The following PRRT4 variants were observed in gnomAD, a reference collection of about 807,000 sequenced individuals.
PRRT4 encodes the protein proline rich transmembrane protein 4.
Under a neutral mutation model 55.6 loss-of-function variants are expected in PRRT4, and 59 were observed. The ratio of observed to expected loss-of-function variants is 1.06; its 90% CI spans 0.86 to 1.32. The LOEUF (loss-of-function observed/expected upper bound fraction) is 1.32. PRRT4 is among the 40% of genes most tolerant of loss of function. PRRT4 has a pLI of 0.00. For synonymous variants in PRRT4, 606 were observed against 601.8 expected (o/e 1.01, Z -0.10); for missense variants, 1,217 against 1,222.0 (o/e 1.00, Z 0.06).
exon 5 of PRRT4, chr7:128,352,334 A>G (rs1562966518): frequency 6.5e-7 from 1 of 1,541,230 alleles, no homozygotes; most frequent in Non-Finnish European, 8.7e-7. Context: ...GTCCCGGCCG[A>G]CAGCAGCAGC....
chr7:128,354,050 A>G (rs1472140609), intron 4 of PRRT4, among the ~76,000 whole-genome samples: 1 of 152,228 alleles, frequency 6.6e-6, no homozygotes, highest in Admixed American at 6.5e-5. Context: ...CCGCAGCCAC[A>G]GGCAAGGGTA....
At chr7:128,360,766 A>G (rs1361051510) in intron 1 of PRRT4, among the ~76,000 whole-genome samples, 1 of 151,894 alleles carries the variant, frequency 6.6e-6, no homozygotes, top group Non-Finnish European at 1.5e-5. Flanking sequence ...TTCCTGGAGG[A>G]GAACGCCAGG....
exon 5 of PRRT4, chr7:128,351,862 C>A: frequency 2.2e-6 from 3 of 1,340,830 alleles, no homozygotes; most frequent in Non-Finnish European, 2.8e-6. Flanking sequence ...CCCGAAGGTG[C>A]CCGCCACCGG....
chr7:128,351,062 A>G lies in PRRT4; in HGVS notation c.2494T>C (p.Cys832Arg), dbSNP rs574369468. 725 of 1,549,252 alleles carry G rather than the reference A, an allele frequency of 4.7e-4. 10 individuals are homozygous for G. The South Asian group carries it at 8.1e-3, about 17-fold the overall frequency. Residue 832 changes from cysteine (C) to arginine (R), a missense_variant, in exon 5 of 5, where the codon TGC (cysteine) becomes CGC (arginine). By Grantham distance (180) the Cys-to-Arg change is radical (BLOSUM62 -3). Transcript: ENST00000535159. ...GAGGGCCGCGGGGGACTGAGGACGC[A>G]GACCAGAGGGCAGCGCGGGGGCCTG...
In PRRT4 at chr7:128,357,685, T is replaced by G. The variant is rs147936669; in HGVS notation, c.877+996A>C. Among the ~76,000 whole-genome samples the G allele has an allele frequency of 4.7e-4, 71 of 152,282 alleles. 1 individual carries two copies. In the East Asian group the frequency reaches 0.014, roughly 29 times the overall value. On this transcript the variant is annotated intron_variant, in intron 4 of 4. Coordinates refer to ENST00000535159, the Ensembl canonical transcript of PRRT4. ...AGCTGGAAGAAGCTGGGGAGACCAGTGGTTTCCACTGCTGAGCCTAGTGAG... is the reference window on the plus strand; with the variant it reads ...AGCTGGAAGAAGCTGGGGAGACCAGGGGTTTCCACTGCTGAGCCTAGTGAG...
At chr7:128,361,097 TCTCTCTCACACA>T (rs1420153322) in intron 1 of PRRT4, among the ~76,000 whole-genome samples, 197 bp downstream of exon 2, 91 of 136,388 alleles carry the variant, frequency 6.7e-4, no homozygotes, top group African/African-American at 2.4e-3. Flanking sequence ...TCTCTCTCTC[TCTCTCTCACACA>T]CACACACACA....
At chr7:128,357,671 G>C (rs559236038) in intron 4 of PRRT4, among the ~76,000 whole-genome samples, 1 of 152,352 alleles carries the variant, frequency 6.6e-6, no homozygotes, top group South Asian at 2.1e-4. Context: ...GCTGGAAGAA[G>C]CTGGGGAGAC....
rs756524902 is a variant in PRRT4, at chr7:128,359,810, C to G, written c.182G>C (p.Arg61Pro). 8.5e-6 allele frequency: 13 copies of G among 1,520,570 alleles called. No individual in the cohort carries two copies. The Admixed American group carries it at 1.7e-4, about 20-fold the overall frequency. 94.2% of individuals were successfully genotyped at this position (1,520,570 alleles called of 1,614,324 possible). A position where few individuals can be genotyped will look rare whatever the true frequency, so the allele number is the denominator to read the frequency against. Residue 61 changes from arginine to proline, a missense_variant, in exon 2 of 5, where the codon CGG (arginine) becomes CCG (proline). By Grantham distance (103) the Arg-to-Pro change is moderately radical (BLOSUM62 -2). This residue lies in a region of PRRT4 where 564 missense variants were observed against 592.9 expected (regional missense o/e 0.95). Transcript: ENST00000535159. ...GCTCCCCCAGACAGCAGCAGGTCCC[C>G]GAAGATGGAATTTGAAGTTAAGTCC...
At chr7:128,351,507 T>C in exon 5 of PRRT4, 1 of 1,499,956 alleles carries the variant, frequency 6.7e-7, no homozygotes, top group Non-Finnish European at 8.9e-7. Context: ...GGTCTGGGCC[T>C]GGCCCTGCCA....
chr7:128,357,226 ACACACACACACT>A (rs1424397459), intron 4 of PRRT4, among the ~76,000 whole-genome samples: 4 of 121,448 alleles, frequency 3.3e-5, no homozygotes, highest in Non-Finnish European at 5.3e-5. Context: ...ACACACACAC[ACACACACACACT>A]CTCTCTCTCT....
intron 4 of PRRT4, among the ~76,000 whole-genome samples, chr7:128,353,282 T>C (rs1236563710): frequency 6.6e-6 from 1 of 152,094 alleles, no homozygotes; most frequent in Admixed American, 6.5e-5. Flanking sequence ...TCTGAGCCCC[T>C]TTCTGTGATT....
rs1467898627 is a variant in PRRT4 at position 128,351,871 on chromosome 7, G to A, written c.1685C>T (p.Pro562Leu). 7 of 1,333,092 alleles carry A rather than the reference G, an allele frequency of 5.3e-6. No homozygotes were observed. In the South Asian group the frequency reaches 1.2e-4, roughly 23 times the overall value. The allele number at this position is 1,333,092 out of a possible 1,614,324, so 82.6% of individuals were successfully genotyped here. A position where few individuals can be genotyped will look rare whatever the true frequency, so the allele number is the denominator to read the frequency against. ...CAGCAGCCCGAAGGTGCCCGCCACC[G>A]GGGCCGTGCGCGCCGCGCGCCGCCA... Residue 562 changes from proline (P) to leucine (L), a missense_variant, in exon 5 of 5, where the codon CCG (proline) becomes CTG (leucine). By Grantham distance (98) the Pro-to-Leu change is moderately conservative (BLOSUM62 -3). This residue lies in a region of PRRT4 where 642 missense variants were observed against 600.9 expected (regional missense o/e 1.07). Transcript: ENST00000535159.
Position 128,358,696 on chromosome 7 carries a change from C to T in PRRT4, c.862G>A (p.Ala288Thr), listed in dbSNP as rs372010473. 4 of 1,551,672 alleles carry T rather than the reference C, an allele frequency of 2.6e-6. No individual in the cohort carries two copies. Among genetic ancestry groups the T allele is most frequent in the Non-Finnish European group, 3.5e-6 (4 of 1,146,978 alleles). ...GGATACTTACCTAATGATGTTGTTG[C>T]AATCGAGGCAAAACTTAGGGAAGCA... The change falls in exon 4 of 5, where the codon GCA becomes ACA. Residue 288 changes from alanine to threonine, a missense_variant. Transcript: ENST00000535159. This position sits in a 1 kb window ranked among gnomAD's most constrained non-coding sequence, Gnocchi z 4.4.
At chr7:128,361,085 T>G (rs1279370968) in intron 1 of PRRT4, among the ~76,000 whole-genome samples, 2 of 126,690 alleles carry the variant, frequency 1.6e-5, no homozygotes, top group Non-Finnish European at 3.3e-5. Context: ...TGTCTCTCTC[T>G]CTCTCTCTCT....
Position 128,360,921 on chromosome 7 carries a change from T to C in PRRT4, c.-73+640A>G, listed in dbSNP as rs149240966. ...ACCCGGCACCCTTACATCACACACATAGCCACATCTAGCGCCCGTGACACA... is the reference window on the plus strand; with the variant it reads ...ACCCGGCACCCTTACATCACACACACAGCCACATCTAGCGCCCGTGACACA... On this transcript the variant is annotated intron_variant, in intron 1 of 4. Coordinates refer to ENST00000535159, the Ensembl canonical transcript of PRRT4. 1.3e-3 allele frequency among the ~76,000 whole-genome samples: 190 copies of C among 151,494 alleles called. 1 individual carries two copies. The highest frequency in any genetic ancestry group is 1.7e-3 in the Non-Finnish European group (117 of 67,806).
chr7:128,353,674 C>T (rs997194337), intron 4 of PRRT4, among the ~76,000 whole-genome samples: 7 of 152,152 alleles, frequency 4.6e-5, no homozygotes, highest in Admixed American at 6.5e-5. Context: ...CCACACTGTA[C>T]GGAAGGTGAC....
chr7:128,351,457 G>A (rs1324062662), exon 5 of PRRT4: 3 of 1,522,090 alleles, frequency 2.0e-6, no homozygotes, highest in Admixed American at 2.0e-5. Context: ...GTTGGCCGCC[G>A]CGCCTTCGAA....
At chr7:128,351,938 G>T in exon 5 of PRRT4, 4 of 1,295,260 alleles carry the variant, frequency 3.1e-6, no homozygotes, top group South Asian at 4.8e-5. Flanking sequence ...TGCGGCAGGG[G>T]TGTGGCGCCC....
At chr7:128,352,594 G>A in exon 5 of PRRT4, 1 of 1,543,922 alleles carries the variant, frequency 6.5e-7, no homozygotes, top group South Asian at 1.2e-5. Context: ...GCAGGACCCT[G>A]GCCCACACTC....
Sources: allele counts gnomAD v4.1 joint callset (sites outside exome capture counted in the v4.1 genomes callset), GRCh38; gene constraint gnomAD v4.1.1; regional missense constraint gnomAD v4.1.1; non-coding constraint Gnocchi (gnomAD v3.1); transcripts MANE v1.5; gene names NCBI Gene and HGNC (gene_info 2026-07-23, HGNC 2026-07-21).